Variants in BCO2 observed in about 807,000 individuals in gnomAD.
BCO2 encodes the protein carotenoid-cleaving dioxygenase, mitochondrial.
BCO2 carries 56 observed loss-of-function variants against 65.8 expected under a neutral mutation model. That is an observed-to-expected ratio of 0.85 (90% CI 0.69 to 1.06). BCO2 has a LOEUF of 1.06. Ranked by LOEUF, BCO2 falls within the 50% of genes least tolerant of loss-of-function variation. BCO2 has a pLI of 0.00. For missense variants in BCO2, 675 were observed against 698.5 expected, an observed-to-expected ratio of 0.97 and a Z score of 0.38; for synonymous variants, 233 against 242.3, an observed-to-expected ratio of 0.96 and a Z score of 0.36.
At position 112,193,908 on chromosome 11, in the gene BCO2, G is replaced by A; in HGVS notation, c.547G>A (p.Val183Met). The change falls in exon 4 of 12, where the codon GTG (valine) becomes ATG (methionine). Residue 183 changes from valine (V) to methionine (M), a missense_variant. Physicochemically the swap from Val to Met is conservative, Grantham distance 21. Coordinates refer to ENST00000357685, the MANE Select transcript of BCO2 (RefSeq NM_031938.7). ...GACTGACAATACTAATGTCAACTAT[G>A]TGCGGTACAAGGGTGATTACTACCT... is the stretch of plus-strand genomic sequence containing the variant. ...AMTDNTNVNY[V>M]RYKGDYYLCT... 6.2e-7 allele frequency: 1 copy of A among 1,611,080 alleles called. No homozygotes were observed. The highest frequency in any genetic ancestry group is 8.5e-7 in the Non-Finnish European group (1 of 1,177,326).
In BCO2 at chr11:112,216,237, C is replaced by A; in HGVS notation, c.1533C>A (p.Gly511=). The change falls in exon 11 of 12, where the codon GGC becomes GGA. Residue 511 remains glycine, a synonymous_variant. Coordinates refer to ENST00000357685, the MANE Select transcript of BCO2 (RefSeq NM_031938.7). ...ACTTGCAGGTTTGGAGAGAAGATGG[C>A]TTTTATCCCTCAGAACCTGTTTTTG... ...NKTLKVWRED[G]FYPSEPVFVP... is the part of the protein sequence containing the mutation. The A allele has an allele frequency of 1.9e-6, 3 of 1,614,046 alleles. No homozygotes were observed. Among genetic ancestry groups the A allele is most frequent in the Non-Finnish European group, 2.5e-6 (3 of 1,179,924 alleles).
At chr11:112,206,137 G>A (rs1002466152) in intron 8 of BCO2, among the ~76,000 whole-genome samples, 10 of 151,278 alleles carry the variant, frequency 6.6e-5, no homozygotes, top group Non-Finnish European at 1.3e-4. Context: ...CTGGGCAGAG[G>A]TCCTCCTCAC....
chr11:112,183,294 G>A, intron 2 of BCO2: 1 of 647,510 alleles, frequency 1.5e-6, no homozygotes, highest in East Asian at 2.7e-5. Context: ...ACACTATAAG[G>A]AAATTTTAAA....
In BCO2 at chr11:112,179,321, C is replaced by T. The variant is rs1370348110; in HGVS notation, c.132C>T (p.Val44=). The T allele has an allele frequency of 1.2e-6, 2 of 1,614,220 alleles. No individual in the cohort carries two copies. Among genetic ancestry groups the T allele is most frequent in the Admixed American group, 3.3e-5 (2 of 60,018 alleles). The change falls in exon 2 of 12, where the codon GTC becomes GTT. Residue 44 remains valine, a synonymous_variant. Coordinates refer to ENST00000357685, the MANE Select transcript of BCO2 (RefSeq NM_031938.7). ...GAAATACTCCTCAGAAAAAAGCCGT[C>T]TTTGGGCAGTGTCGGGGTCTGCCAT... The part of the protein sequence containing the change: ...YMGNTPQKKA[V]FGQCRGLPCV...
chr11:112,202,016 C>A lies in BCO2; in HGVS notation c.1027-7C>A. On this transcript the variant is annotated splice_region_variant and splice_polypyrimidine_tract_variant and intron_variant, in intron 7 of 11. Transcript: ENST00000357685. ...ATTTTTTTCATTGTTTGTGTTTTCC[C>A]CTGCAGCTCCTTCCAGGGAGATACT... 1 of 1,548,856 alleles carries A rather than the reference C, an allele frequency of 6.5e-7. No individual in the cohort carries two copies.
intron 8 of BCO2, among the ~76,000 whole-genome samples, chr11:112,204,672 TTTTA>T (rs1378403942): frequency 1.2e-4 from 18 of 152,300 alleles, no homozygotes; most frequent in Admixed American, 3.3e-4. Flanking sequence ...TTTAGTAGCA[TTTTA>T]TTTTATTTTT....
chr11:112,213,773 T>TA lies in BCO2; in HGVS notation c.1247dup (p.Asn416LysfsTer8). 6 of 1,613,588 alleles carry TA rather than the reference T, an allele frequency of 3.7e-6. No individual in the cohort carries two copies. The highest frequency in any genetic ancestry group is 5.1e-6 in the Non-Finnish European group (6 of 1,179,782). On this transcript the variant is annotated frameshift_variant, in exon 9 of 12. Coordinates refer to ENST00000357685, the MANE Select transcript of BCO2 (RefSeq NM_031938.7). LOFTEE classifies it high-confidence loss of function. Reference sequence around the variant, plus strand: ...TTCCCTCGAAGGTTTGTTTTGCCTTTAAATGTCAGTTTGAATGCCCCTGAG... The same window carrying TA: ...TTCCCTCGAAGGTTTGTTTTGCCTTTAAAATGTCAGTTTGAATGCCCCTGAG...
chr11:112,212,234 CACTT>C (rs762980386), intron 8 of BCO2, among the ~76,000 whole-genome samples: 2 of 152,196 alleles, frequency 1.3e-5, no homozygotes, highest in African/African-American at 2.4e-5. Context: ...AGGAAAAACA[CACTT>C]ACTTTATTTG....
In BCO2 at chr11:112,203,265, T is replaced by G. The variant is rs1260044077; in HGVS notation, c.1194+1075T>G. 5.3e-5 allele frequency among the ~76,000 whole-genome samples: 8 copies of G among 152,188 alleles called. No homozygotes were observed. In the East Asian group the frequency reaches 1.5e-3, roughly 29 times the overall value. On this transcript the variant is annotated intron_variant, in intron 8 of 11. Coordinates refer to ENST00000357685, the MANE Select transcript of BCO2 (RefSeq NM_031938.7). ...CTGTAGCTTTATTTTTTAGCTATAA[T>G]TGTCTTTTTAAATGTTTGTAAAATA...
At chr11:112,193,153 A>AT (rs1289443776) in intron 2 of BCO2, among the ~76,000 whole-genome samples, 1 of 150,698 alleles carries the variant, frequency 6.6e-6, no homozygotes, top group Non-Finnish European at 1.5e-5. Flanking sequence ...AATTTTTTGT[A>AT]TTTTTTAGTA....
Position 112,200,627 on chromosome 11 carries a change from T to C in BCO2, c.880T>C (p.Tyr294His), listed in dbSNP as rs755809066. The change falls in exon 7 of 12, where the codon TAT (tyrosine) becomes CAT (histidine). Residue 294 changes from tyrosine (Y) to histidine (H), a missense_variant. Tyr to His is a moderately conservative substitution (Grantham distance 83). Transcript: ENST00000357685. ...YYHSFGMTRN[Y>H]IIFIEQPLKM... ...GAACCTTTTAGGAATGACAAGGAAC[T>C]ATATAATTTTCATTGAACAACCTCT... The C allele has an allele frequency of 1.2e-6, 2 of 1,607,406 alleles. No homozygotes were observed. Among genetic ancestry groups the C allele is most frequent in the Non-Finnish European group, 1.7e-6 (2 of 1,178,300 alleles).
rs529546069 is a variant in BCO2 at position 112,218,426 on chromosome 11, C to T, written c.*552C>T. The T allele has an allele frequency of 4.9e-6, 1 of 204,618 alleles. No homozygotes were observed. Among genetic ancestry groups the T allele is most frequent in the East Asian group, 1.1e-4 (1 of 9,158 alleles). The allele number at this position is 204,618 out of a possible 1,614,324, so 12.7% of individuals were successfully genotyped here. ...CTCACTCATCATGGCCTAGCATGTGCAATTTGTGAAGCTGCCAAAGCGTTA... is the reference window on the plus strand; with the variant it reads ...CTCACTCATCATGGCCTAGCATGTGTAATTTGTGAAGCTGCCAAAGCGTTA... On this transcript the variant is annotated 3_prime_UTR_variant, in exon 12 of 12. Transcript: ENST00000357685.
At chr11:112,184,373 C>T (rs1592837602) in intron 2 of BCO2, among the ~76,000 whole-genome samples, 2 of 151,998 alleles carry the variant, frequency 1.3e-5, no homozygotes, top group African/African-American at 4.8e-5. Flanking sequence ...CTGCCTCAGC[C>T]TCCCGAGTAG....
chr11:112,217,206 C>T (rs921420170), intron 11 of BCO2, among the ~76,000 whole-genome samples: 1 of 152,174 alleles, frequency 6.6e-6, no homozygotes, highest in Admixed American at 6.5e-5. Context: ...AATTTCTTTG[C>T]TGTAGGTATG....
At chr11:112,208,233 A>G (rs1191502708) in intron 8 of BCO2, among the ~76,000 whole-genome samples, 4 of 152,152 alleles carry the variant, frequency 2.6e-5, no homozygotes, top group Non-Finnish European at 4.4e-5. Flanking sequence ...AAGTGCTGGG[A>G]TTACAGGAAT....
chr11:112,210,281 A>G (rs1859468611), intron 8 of BCO2, among the ~76,000 whole-genome samples: 1 of 152,110 alleles, frequency 6.6e-6, no homozygotes, highest in Non-Finnish European at 1.5e-5. Flanking sequence ...TTGGTTTTTA[A>G]TCATGTTGCC....
Position 112,214,794 on chromosome 11 carries a change from G to C in BCO2, c.1365G>C (p.Glu455Asp), listed in dbSNP as rs373509715. The C allele has an allele frequency of 6.2e-7, 1 of 1,613,782 alleles. No individual in the cohort carries two copies. ...IWCSHENLHQEDLEKEGGIEF... is the reference protein window; with the variant it reads ...IWCSHENLHQDDLEKEGGIEF... ...GCTCTCATGAAAATCTACATCAGGA[G>C]GACCTAGAAAAGGAAGGAGGCATTG... is the stretch of plus-strand genomic sequence containing the variant. The change falls in exon 10 of 12, where the codon GAG becomes GAC. Residue 455 changes from glutamate to aspartate, a missense_variant. Coordinates refer to ENST00000357685, the MANE Select transcript of BCO2 (RefSeq NM_031938.7).
chr11:112,212,935 C>G (rs995324488), intron 8 of BCO2, among the ~76,000 whole-genome samples: 2 of 152,146 alleles, frequency 1.3e-5, no homozygotes, highest in East Asian at 1.9e-4. Context: ...TCCCAGCAAC[C>G]AGCCCAAGGT....
intron 8 of BCO2, among the ~76,000 whole-genome samples, chr11:112,205,196 C>G (rs1396495089): frequency 6.6e-6 from 1 of 152,134 alleles, no homozygotes. Context: ...GTTCAAGGGT[C>G]ATCTGTATTT....
Sources: gnomAD v4.1 joint callset for allele counts (sites outside exome capture counted in the v4.1 genomes callset) on GRCh38, gnomAD v4.1.1 for gene constraint, MANE v1.5 for transcripts, NCBI Gene and HGNC (gene_info 2026-07-23, HGNC 2026-07-21) for gene names.